Variants in FXYD7 observed in about 807,000 individuals in gnomAD.
FXYD7 encodes the protein FXYD domain-containing ion transport regulator 7.
In FXYD7, 7 loss-of-function variants were observed where a neutral mutation model predicts 15.3. That is an observed-to-expected ratio of 0.46 (90% CI 0.26 to 0.86). The LOEUF (loss-of-function observed/expected upper bound fraction) is 0.86, where lower values mean the gene tolerates loss of function less well. FXYD7 is among the 40% of genes least tolerant of loss of function. The probability of loss-of-function intolerance (pLI) is 0.16; values close to 1 mark genes in which losing one functional copy is unlikely to be tolerated. For missense variants in FXYD7, 78 were observed against 100.6 expected (o/e 0.78, Z 0.96); for synonymous variants, 39 against 39.3 (o/e 0.99, Z 0.03).
chr19:35,148,875 G>A (rs2065299894), intron 2 of FXYD7, 152 bp downstream of exon 2: 1 of 778,768 alleles, frequency 1.3e-6, no homozygotes, highest in Non-Finnish European at 2.3e-6. Flanking sequence ...CATCAGCTGA[G>A]TTCATGGAGG....
chr19:35,152,343 G>C (rs1024188857), intron 5 of FXYD7, among the ~76,000 whole-genome samples: 16 of 151,890 alleles, frequency 1.1e-4, no homozygotes, highest in African/African-American at 3.9e-4. Flanking sequence ...CCTGTGAAGA[G>C]AAGGGCCCCA....
chr19:35,148,113 GGGGAGGGA>G (rs551106495), intron 1 of FXYD7, among the ~76,000 whole-genome samples: 3 of 149,698 alleles, frequency 2.0e-5, no homozygotes, highest in Admixed American at 6.7e-5. Flanking sequence ...GAAAGAAAGA[GGGGAGGGA>G]GGGAGGGAGG....
Position 35,154,094 on chromosome 19 carries a change from G to A in FXYD7, c.*178G>A. The A allele has an allele frequency of 1.7e-6, 1 of 588,968 alleles. No homozygotes were observed. Among genetic ancestry groups the A allele is most frequent in the Non-Finnish European group, 3.0e-6 (1 of 337,266 alleles). 36.5% of individuals were successfully genotyped at this position (588,968 alleles called of 1,614,324 possible). A position where few individuals can be genotyped will look rare whatever the true frequency, so the allele number is the denominator to read the frequency against. On this transcript the variant is annotated 3_prime_UTR_variant, in exon 6 of 6. Coordinates refer to ENST00000270310, the MANE Select transcript of FXYD7 (RefSeq NM_022006.2). ...TCCCTCTCCAGGCCTTGGCAATGAC[G>A]ATCCCCCAAAGAGCCCGTCTGCACC...
At chr19:35,145,028 G>A (rs1392109674) in intron 1 of FXYD7, among the ~76,000 whole-genome samples, 1 of 152,184 alleles carries the variant, frequency 6.6e-6, no homozygotes, top group East Asian at 1.9e-4. Flanking sequence ...CATGAGCACA[G>A]CTGGGTCCGG....
chr19:35,152,629 G>A (rs954464477), intron 5 of FXYD7, among the ~76,000 whole-genome samples: 5 of 152,072 alleles, frequency 3.3e-5, no homozygotes, highest in Admixed American at 2.6e-4. Context: ...AACAGGAGGG[G>A]AGAGAGTGGA....
At chr19:35,153,210 C>A (rs989221617) in intron 5 of FXYD7, among the ~76,000 whole-genome samples, 1 of 151,770 alleles carries the variant, frequency 6.6e-6, no homozygotes, top group African/African-American at 2.4e-5. Context: ...CAGGCACACA[C>A]CACCACACCC....
intron 2 of FXYD7, 192 bp downstream of exon 2, chr19:35,148,915 TCA>T: frequency 1.4e-6 from 1 of 716,232 alleles, no homozygotes; most frequent in East Asian, 2.6e-5. Flanking sequence ...TGGGGATGCC[TCA>T]CACTCTCTCT....
In FXYD7 at chr19:35,154,174, C is replaced by T; in HGVS notation, c.*258C>T. ...CTGGGATCCGGGAGTCCATCCCGGC[C>T]CAGCACCCCCAGCATCCCCGTGTAT... On this transcript the variant is annotated 3_prime_UTR_variant, in exon 6 of 6. Transcript: ENST00000270310. The T allele has an allele frequency of 1.8e-6, 1 of 541,580 alleles. No individual in the cohort carries two copies. The highest frequency in any genetic ancestry group is 3.3e-6 in the Non-Finnish European group (1 of 306,454). 33.5% of individuals were successfully genotyped at this position (541,580 alleles called of 1,614,324 possible).
chr19:35,149,861 G>A (rs1475246261), intron 2 of FXYD7, among the ~76,000 whole-genome samples: 4 of 152,326 alleles, frequency 2.6e-5, no homozygotes, highest in East Asian at 1.9e-4. Flanking sequence ...TTGGGAGGCT[G>A]AGGCAGGAGG....
At chr19:35,150,626 T>G (rs2065306393) in intron 2 of FXYD7, among the ~76,000 whole-genome samples, 1 of 152,026 alleles carries the variant, frequency 6.6e-6, no homozygotes, top group Non-Finnish European at 1.5e-5. Context: ...GAACAGCCAG[T>G]GCAAAGGCCT....
rs1453855023 is a variant in FXYD7, at chr19:35,143,278, T to C, written c.-56T>C. On this transcript the variant is annotated 5_prime_UTR_variant, in exon 1 of 6. Coordinates refer to ENST00000270310, the MANE Select transcript of FXYD7 (RefSeq NM_022006.2). This position sits in a 1 kb window ranked among gnomAD's most constrained non-coding sequence, Gnocchi z 4.3. ...CACATCGGTCCGTCCTGCTTCCAGCTGCTGCAGCGCGCCTTCGCCGCCAAA... is the reference window on the plus strand; with the variant it reads ...CACATCGGTCCGTCCTGCTTCCAGCCGCTGCAGCGCGCCTTCGCCGCCAAA... The C allele has an allele frequency of 5.6e-6, 8 of 1,435,268 alleles. No individual in the cohort carries two copies. The highest frequency in any genetic ancestry group is 2.2e-4 in the Middle Eastern group (1 of 4,500). 88.9% of individuals were successfully genotyped at this position (1,435,268 alleles called of 1,614,324 possible). A position where few individuals can be genotyped will look rare whatever the true frequency, so the allele number is the denominator to read the frequency against.
intron 1 of FXYD7, among the ~76,000 whole-genome samples, chr19:35,144,861 G>C (rs1008196631): frequency 6.6e-6 from 1 of 152,122 alleles, no homozygotes; most frequent in Non-Finnish European, 1.5e-5. Flanking sequence ...CGCAGGTCTC[G>C]GGAAACCCCG....
In FXYD7 at chr19:35,151,431, TC is replaced by T; in HGVS notation, c.137-6del. On this transcript the variant is annotated splice_polypyrimidine_tract_variant and splice_region_variant and intron_variant, in intron 3 of 5. Transcript: ENST00000270310. Reference sequence around the variant, plus strand: ...CCTGTCTTCTTGTTCTGTCTCTCTCTCCCAACAGGCAAGAAGGTGAAGTGCA... The same window carrying T: ...CCTGTCTTCTTGTTCTGTCTCTCTCTCCAACAGGCAAGAAGGTGAAGTGCA... 6.2e-7 allele frequency: 1 copy of T among 1,613,858 alleles called. No individual in the cohort carries two copies. The highest frequency in any genetic ancestry group is 1.7e-5 in the Admixed American group (1 of 60,008).
rs1242415055 is a variant in FXYD7, at chr19:35,152,180, A to AAGGG, written c.220+521_220+524dup. On this transcript the variant is annotated intron_variant, in intron 5 of 5. Transcript: ENST00000270310. Reference sequence around the variant, plus strand: ...AGAGGAAGGAAGAAATGAAGGAAGGAAGGGAGGGAGGGAGGGAAAAGAAAG... The same window carrying AAGGG: ...AGAGGAAGGAAGAAATGAAGGAAGGAAGGGAGGGAGGGAGGGAGGGAAAAGAAAG... Among the ~76,000 whole-genome samples, 4 of 140,004 alleles carry AAGGG rather than the reference A, an allele frequency of 2.9e-5. No individual in the cohort carries two copies. The South Asian group carries it at 7.8e-4, about 27-fold the overall frequency. The allele number at this position is 140,004 out of a possible 152,430, so 91.8% of individuals were successfully genotyped here. A position where few individuals can be genotyped will look rare whatever the true frequency, so the allele number is the denominator to read the frequency against.
chr19:35,150,714 T>G (rs1049227603), intron 2 of FXYD7, among the ~76,000 whole-genome samples: 1 of 148,566 alleles, frequency 6.7e-6, no homozygotes, highest in African/African-American at 2.5e-5. Flanking sequence ...ATGGGGAGAG[T>G]GAGGTGGGGT....
chr19:35,152,134 CAAAAAAA>C (rs71167517), intron 5 of FXYD7, among the ~76,000 whole-genome samples: 14 of 45,134 alleles, frequency 3.1e-4, no homozygotes, highest in East Asian at 2.6e-3. Flanking sequence ...GTGAGACTGT[CAAAAAAA>C]AAAAAAAAAA....
rs1431264441 is a variant in FXYD7, at chr19:35,143,348, C to T, written c.15C>T (p.Thr5=). Residue 5 remains threonine (T), a synonymous_variant, in exon 1 of 6, where the codon ACC becomes ACT. Coordinates refer to ENST00000270310, the MANE Select transcript of FXYD7 (RefSeq NM_022006.2). The surrounding 1 kb of genome is among the most constrained non-coding windows in gnomAD (Gnocchi z 4.3). ...TCCGGCCCAGCATGGCGACCCCGAC[C>T]CAGACCCCCACAAAGGGTGAGCGTC... MATP[T]QTPTKAPEEP... is the part of the protein sequence containing the mutation. 6.5e-7 allele frequency: 1 copy of T among 1,527,074 alleles called. No homozygotes were observed. The highest frequency in any genetic ancestry group is 2.1e-5 in the Admixed American group (1 of 46,636). The allele number at this position is 1,527,074 out of a possible 1,614,324, so 94.6% of individuals were successfully genotyped here.
chr19:35,144,235 G>A (rs1194068626), intron 1 of FXYD7, among the ~76,000 whole-genome samples: 1 of 152,098 alleles, frequency 6.6e-6, no homozygotes, highest in Admixed American at 6.5e-5. Context: ...GGAATGGGGC[G>A]ATGGGACCCT....
chr19:35,151,274 G>T lies in FXYD7; in HGVS notation c.82G>T (p.Val28Leu). Residue 28 changes from valine to leucine, a missense_variant, in exon 3 of 6, where the codon GTG (valine) becomes TTG (leucine). By Grantham distance (32) the Val-to-Leu change is conservative (BLOSUM62 1). Transcript: ENST00000270310. ...CCCAGACTACAACACGGTGCAGACTGTGGGCATGACTCTGGCAACCATCTT... is the reference window on the plus strand; with the variant it reads ...CCCAGACTACAACACGGTGCAGACTTTGGGCATGACTCTGGCAACCATCTT... ...FYYDYNTVQT[V>L]GMTLATILFL... 1 of 1,606,972 alleles carries T rather than the reference G, an allele frequency of 6.2e-7. No individual in the cohort carries two copies. Among genetic ancestry groups the T allele is most frequent in the Non-Finnish European group, 8.5e-7 (1 of 1,173,474 alleles).
Sources: allele counts gnomAD v4.1 joint callset (sites outside exome capture counted in the v4.1 genomes callset), GRCh38; gene constraint gnomAD v4.1.1; non-coding constraint Gnocchi (gnomAD v3.1); transcripts MANE v1.5; gene names NCBI Gene and HGNC (gene_info 2026-07-23, HGNC 2026-07-21).